PUDP: variants seen among roughly 807,000 people sequenced by gnomAD.
PUDP encodes pseudouridine 5'-phosphatase, also known as pseudouridine-5'-phosphatase.
PUDP carries 8 observed loss-of-function variants against 9.4 expected under a neutral mutation model. The observed-to-expected ratio is 0.85, with a 90% CI of 0.50 to 1.53. The LOEUF (loss-of-function observed/expected upper bound fraction) is 1.53, where lower values mean the gene tolerates loss of function less well. Ranked by LOEUF, PUDP falls within the 40% of genes most tolerant of loss-of-function variation. PUDP has a pLI of 0.00. For synonymous variants in PUDP, 99 were observed against 80.7 expected, an observed-to-expected ratio of 1.23 and a Z score of -1.22; for missense variants, 188 against 189.7, an observed-to-expected ratio of 0.99 and a Z score of 0.05.
intron 1 of PUDP, among the ~76,000 whole-genome samples, chrX:7,147,166 C>CAAGGGTT: frequency 9.0e-6 from 1 of 110,630 alleles, no homozygotes. Flanking sequence ...TTCTTAATGC[C>CAAGGGTT]TCGGATTGAT....
intron 1 of PUDP, among the ~76,000 whole-genome samples, chrX:6,994,996 A>C: frequency 8.9e-6 from 1 of 111,808 alleles, no homozygotes; most frequent in East Asian, 2.8e-4. Flanking sequence ...GAAAAAAAGA[A>C]GATGTGACAA....
At chrX:7,003,231 A>G (rs986401420) in intron 1 of PUDP, among the ~76,000 whole-genome samples, 2 of 111,602 alleles carry the variant, frequency 1.8e-5, no homozygotes, top group African/African-American at 6.5e-5. Context: ...TTCTGACTCT[A>G]TATTGTTTTC....
chrX:7,107,526 C>A (rs1157877640), intron 1 of PUDP, among the ~76,000 whole-genome samples: 1 of 112,600 alleles, frequency 8.9e-6, no homozygotes, highest in East Asian at 2.8e-4. Flanking sequence ...GTATGAACTG[C>A]GACTAAAGGA....
At chrX:6,840,427 G>C (rs1926650013) in intron 3 of PUDP, among the ~76,000 whole-genome samples, 1 of 112,034 alleles carries the variant, frequency 8.9e-6, no homozygotes, top group South Asian at 3.7e-4. Context: ...AAAAAGAAAT[G>C]AGCTATCAAG....
chrX:7,057,910 C>T (rs1284946472), intron 3 of PUDP: 5 of 623,657 alleles, frequency 8.0e-6, no homozygotes, highest in Admixed American at 5.9e-5. Flanking sequence ...GAGAAGGGCC[C>T]GCGGCTTGTG....
chrX:6,983,817 A>G (rs1929069466), intron 1 of PUDP, among the ~76,000 whole-genome samples: 1 of 112,358 alleles, frequency 8.9e-6, no homozygotes, highest in African/African-American at 3.2e-5. Flanking sequence ...GGCCAAGTAA[A>G]TAACTTTGTA....
intron 2 of PUDP, among the ~76,000 whole-genome samples, chrX:7,078,755 C>T (rs186475091): frequency 3.6e-5 from 4 of 112,150 alleles, no homozygotes; most frequent in African/African-American, 9.7e-5. Context: ...GCACCTGACC[C>T]TCTAAAGATT....
At chrX:7,048,173 C>T (rs781369714), downstream of PUDP, among the ~76,000 whole-genome samples, 1 of 112,187 alleles carries the variant, frequency 8.9e-6, no homozygotes, top group South Asian at 3.7e-4. Context: ...ACGTTGATAG[C>T]GCCATCTCTT....
At chrX:7,103,270 G>T (rs1195669060) in intron 2 of PUDP, among the ~76,000 whole-genome samples, 1 of 111,806 alleles carries the variant, frequency 8.9e-6, no homozygotes, top group East Asian at 2.8e-4. Flanking sequence ...TTTGTCAAAC[G>T]ATCTTCAACG....
At chrX:6,954,596 C>T (rs181379877) in intron 3 of PUDP, among the ~76,000 whole-genome samples, 8 of 112,042 alleles carry the variant, frequency 7.1e-5, no homozygotes, top group Non-Finnish European at 5.6e-5. Flanking sequence ...GTTCACAAAA[C>T]TACCCTGTTT....
At chrX:6,745,590 T>C (rs1453947400) in intron 3 of PUDP, among the ~76,000 whole-genome samples, 1 of 112,118 alleles carries the variant, frequency 8.9e-6, no homozygotes, top group Non-Finnish European at 1.9e-5. Flanking sequence ...TGGGTTTTTT[T>C]CAAAATATGT....
At chrX:6,896,748 T>G (rs1927598241) in intron 3 of PUDP, among the ~76,000 whole-genome samples, 1 of 111,866 alleles carries the variant, frequency 8.9e-6, no homozygotes, top group African/African-American at 3.2e-5. Flanking sequence ...AATTTTAATG[T>G]GACCCTGGTA....
At chrX:6,949,075 A>C (rs1928512183) in intron 3 of PUDP, among the ~76,000 whole-genome samples, 2 of 112,131 alleles carry the variant, frequency 1.8e-5, no homozygotes, top group African/African-American at 6.5e-5. Flanking sequence ...ATCAGAACAG[A>C]AACATAAATC....
At chrX:7,143,516 TTAAG>T (rs1932817722) in intron 1 of PUDP, among the ~76,000 whole-genome samples, 1 of 112,188 alleles carries the variant, frequency 8.9e-6, no homozygotes, top group African/African-American at 3.2e-5. Flanking sequence ...ATTTTGCAAT[TTAAG>T]TTTTACCCCC....
At chrX:7,062,573 A>G (rs976640041) in intron 3 of PUDP, among the ~76,000 whole-genome samples, 3 of 110,600 alleles carry the variant, frequency 2.7e-5, no homozygotes, top group African/African-American at 9.9e-5. Context: ...TGAGATGGAC[A>G]TGCAGAAAAA....
chrX:6,769,101 T>C (rs1490497401), intron 3 of PUDP, among the ~76,000 whole-genome samples: 2 of 111,990 alleles, frequency 1.8e-5, no homozygotes, highest in Non-Finnish European at 3.8e-5. Flanking sequence ...AGTGTGTAAA[T>C]ATTTGCTGGT....
Position 6,830,667 on chromosome X carries a change from A to G in PUDP, c.*248-124201T>C, listed in dbSNP as rs533090762. ...AATTTAAGAATGCAAAAGTTAAGAG[A>G]TACGAAGCCTAGGGGTTACTACTGT... On this transcript the variant is annotated intron_variant and NMD_transcript_variant, in intron 3 of 3. Transcript: ENST00000655425. Among the ~76,000 whole-genome samples the G allele has an allele frequency of 8.9e-5, 10 of 112,257 alleles. No homozygotes were observed. The South Asian group carries it at 3.7e-3, about 42-fold the overall frequency.
rs190879476 is a variant in PUDP, at chrX:6,859,107, T to C, written c.*247+118026A>G. 7.6e-3 allele frequency among the ~76,000 whole-genome samples: 845 copies of C among 111,906 alleles called. 6 individuals are homozygous for C. The highest frequency in any genetic ancestry group is 0.025 in the African/African-American group (776 of 30,781). The stretch of plus-strand genomic sequence containing the variant: ...GCACACACTCTCTTGCCTGCTGCCA[T>C]GTAAGACATGCCTTTTCTCCTTCCT... On this transcript the variant is annotated intron_variant and NMD_transcript_variant, in intron 3 of 3. Transcript: ENST00000655425.
chrX:6,924,936 C>T (rs920211817), intron 3 of PUDP, among the ~76,000 whole-genome samples: 1 of 112,185 alleles, frequency 8.9e-6, no homozygotes, highest in African/African-American at 3.2e-5. Context: ...CGTGGGAAGA[C>T]GAGCTGCTGT....
Sources: gnomAD v4.1 joint callset for allele counts (sites outside exome capture counted in the v4.1 genomes callset) on GRCh38, gnomAD v4.1.1 for gene constraint, MANE v1.5 for transcripts, NCBI Gene and HGNC (gene_info 2026-07-23, HGNC 2026-07-21) for gene names.